Variants in STK17A observed in about 807,000 individuals in gnomAD.
STK17A encodes the protein serine/threonine-protein kinase 17A.
In STK17A, 26 loss-of-function variants were observed where a neutral mutation model predicts 43.7. The observed-to-expected ratio is 0.60, with a 90% CI of 0.44 to 0.83. The LOEUF (loss-of-function observed/expected upper bound fraction) is 0.83, where lower values mean the gene tolerates loss of function less well. STK17A is among the 40% of genes least tolerant of loss of function. The probability of loss-of-function intolerance (pLI) is 0.00; values close to 1 mark genes in which losing one functional copy is unlikely to be tolerated. For synonymous variants in STK17A, 191 were observed against 182.5 expected (o/e 1.05, Z -0.38); for missense variants, 476 against 511.6 (o/e 0.93, Z 0.67).
intron 2 of STK17A, among the ~76,000 whole-genome samples, chr7:43,598,298 G>A (rs1005773114): frequency 2.6e-5 from 4 of 151,864 alleles, no homozygotes; most frequent in Non-Finnish European, 4.4e-5. Flanking sequence ...GTGAAACCTC[G>A]TCTCTACTAA....
Position 43,624,900 on chromosome 7 carries a change from T to C in STK17A, c.*58T>C. 1 of 1,432,246 alleles carries C rather than the reference T, an allele frequency of 7.0e-7. No homozygotes were observed. Among genetic ancestry groups the C allele is most frequent in the South Asian group, 1.4e-5 (1 of 71,790 alleles). The allele number at this position is 1,432,246 out of a possible 1,614,324, so 88.7% of individuals were successfully genotyped here. On this transcript the variant is annotated 3_prime_UTR_variant, in exon 7 of 7. Coordinates refer to ENST00000319357, the MANE Select transcript of STK17A (RefSeq NM_004760.3). Reference sequence around the variant, plus strand: ...ACATTGAAAATGTTAATATTATTTATGGACCTCTGGCCAAATGGTACATGT... The same window carrying C: ...ACATTGAAAATGTTAATATTATTTACGGACCTCTGGCCAAATGGTACATGT...
chr7:43,585,906 GTAA>G (rs1453573892), intron 1 of STK17A, among the ~76,000 whole-genome samples: 1 of 151,614 alleles, frequency 6.6e-6, no homozygotes, highest in African/African-American at 2.4e-5. Context: ...TCTGGCAAAA[GTAA>G]TGAAGTCACA....
chr7:43,583,171 C>T lies in STK17A; in HGVS notation c.-73C>T. Reference sequence around the variant, plus strand: ...AGGCTCCGCGGACCGGCACTAGGAGCCGGGGGCGGGTCCGTGACCCTCCGG... The same window carrying T: ...AGGCTCCGCGGACCGGCACTAGGAGTCGGGGGCGGGTCCGTGACCCTCCGG... On this transcript the variant is annotated 5_prime_UTR_variant, in exon 1 of 7. Coordinates refer to ENST00000319357, the MANE Select transcript of STK17A (RefSeq NM_004760.3). 1 of 1,493,104 alleles carries T rather than the reference C, an allele frequency of 6.7e-7. No homozygotes were observed. The highest frequency in any genetic ancestry group is 9.0e-7 in the Non-Finnish European group (1 of 1,110,712). The allele number at this position is 1,493,104 out of a possible 1,614,324, so 92.5% of individuals were successfully genotyped here.
chr7:43,605,672 G>A lies in STK17A; in HGVS notation c.420-2584G>A, dbSNP rs73693042. ...GCTGCTGCATTCCACTTCTGCTTGG[G>A]TTCCTCCCCTACCCTATACCCCTGT... is the stretch of plus-strand genomic sequence containing the variant. On this transcript the variant is annotated intron_variant, in intron 2 of 6. Coordinates refer to ENST00000319357, the MANE Select transcript of STK17A (RefSeq NM_004760.3). Among the ~76,000 whole-genome samples, 320 of 151,680 alleles carry A rather than the reference G, an allele frequency of 2.1e-3. 1 individual carries two copies. The highest frequency in any genetic ancestry group is 7.4e-3 in the African/African-American group (304 of 41,276).
At chr7:43,597,823 C>T (rs1429951265) in intron 2 of STK17A, among the ~76,000 whole-genome samples, 1 of 152,022 alleles carries the variant, frequency 6.6e-6, no homozygotes, top group Non-Finnish European at 1.5e-5. Context: ...ATCCCAGCTA[C>T]TTGGGAGGCT....
intron 3 of STK17A, among the ~76,000 whole-genome samples, chr7:43,616,538 G>A (rs569605519): frequency 2.0e-5 from 3 of 152,186 alleles, no homozygotes; most frequent in South Asian, 2.1e-4. Context: ...ATAAACCTAC[G>A]GGCATTTTCA....
intron 1 of STK17A, among the ~76,000 whole-genome samples, chr7:43,585,682 C>T (rs1317298337): frequency 6.6e-6 from 1 of 151,470 alleles, no homozygotes; most frequent in East Asian, 1.9e-4. Context: ...TGAATCTTGG[C>T]TCTTACTAGT....
At chr7:43,589,487 C>T (rs2082464943) in intron 1 of STK17A, among the ~76,000 whole-genome samples, 1 of 151,380 alleles carries the variant, frequency 6.6e-6, no homozygotes, top group Non-Finnish European at 1.5e-5. Context: ...TTCACCTTTG[C>T]TTATAATCCA....
At position 43,626,327 on chromosome 7, in the gene STK17A, CAT is replaced by C. The variant is rs1323513012; in HGVS notation, c.*1489_*1490del. On this transcript the variant is annotated 3_prime_UTR_variant, in exon 7 of 7. Coordinates refer to ENST00000319357, the MANE Select transcript of STK17A (RefSeq NM_004760.3). ...CCCAAATGTGTGTAAATGTCATAGA[CAT>C]ATACAAAGTCAGTAATCTCACCCAG... 2 of 152,182 alleles carry C rather than the reference CAT, an allele frequency of 1.3e-5. No individual in the cohort carries two copies. The highest frequency in any genetic ancestry group is 4.8e-5 in the African/African-American group (2 of 41,444). The allele number at this position is 152,182 out of a possible 1,614,324, so 9.4% of individuals were successfully genotyped here.
chr7:43,619,556 C>G, intron 3 of STK17A, 41 bp from the exon 4 acceptor site: 1 of 1,599,102 alleles, frequency 6.3e-7, no homozygotes, highest in African/African-American at 1.3e-5. Flanking sequence ...TGTACTTAAT[C>G]ATAGTTATAT....
intron 2 of STK17A, among the ~76,000 whole-genome samples, chr7:43,602,287 C>G (rs1484562544): frequency 1.3e-5 from 2 of 152,118 alleles, no homozygotes; most frequent in Admixed American, 6.6e-5. Context: ...GCTAAAATTC[C>G]TTCCTCAGCT....
chr7:43,595,783 G>A, intron 1 of STK17A, 118 bp from the exon 2 acceptor site: 1 of 831,338 alleles, frequency 1.2e-6, no homozygotes. Context: ...TTCTACTTTT[G>A]TGATTGTATA....
rs371820498 is a variant in STK17A, at chr7:43,611,880, A to G, written c.564+3480A>G. ...CCTATAGGAAATGAGCTTTCAGCTTATGACAGTTGAACCTGTGACTATTCA... is the reference window on the plus strand; with the variant it reads ...CCTATAGGAAATGAGCTTTCAGCTTGTGACAGTTGAACCTGTGACTATTCA... On this transcript the variant is annotated intron_variant, in intron 3 of 6. Transcript: ENST00000319357. Among the ~76,000 whole-genome samples the G allele has an allele frequency of 3.3e-5, 5 of 152,362 alleles. No homozygotes were observed. In the South Asian group the frequency reaches 1.0e-3, roughly 32 times the overall value.
At chr7:43,587,226 C>G (rs2082449681) in intron 1 of STK17A, among the ~76,000 whole-genome samples, 1 of 142,394 alleles carries the variant, frequency 7.0e-6, no homozygotes, top group South Asian at 2.2e-4. Context: ...GCGATCTCAG[C>G]TCACCGCAAG....
intron 3 of STK17A, among the ~76,000 whole-genome samples, chr7:43,616,777 G>A (rs2083389961): frequency 6.6e-6 from 1 of 152,064 alleles, no homozygotes; most frequent in East Asian, 1.9e-4. Flanking sequence ...GGCTCCTGTA[G>A]TCCCAGCTAC....
chr7:43,603,254 GC>G (rs1171434804), intron 2 of STK17A, among the ~76,000 whole-genome samples: 1 of 151,960 alleles, frequency 6.6e-6, no homozygotes, highest in East Asian at 1.9e-4. Flanking sequence ...GTATGAATTG[GC>G]CAAAAATTTT....
At chr7:43,614,800 G>T (rs545117593) in intron 3 of STK17A, among the ~76,000 whole-genome samples, 1 of 152,270 alleles carries the variant, frequency 6.6e-6, no homozygotes, top group East Asian at 1.9e-4. Context: ...CATACAATAA[G>T]ATTTTAATAA....
At chr7:43,618,793 A>C (rs2083581014) in intron 3 of STK17A, among the ~76,000 whole-genome samples, 1 of 152,156 alleles carries the variant, frequency 6.6e-6, no homozygotes, top group Non-Finnish European at 1.5e-5. Context: ...ATTACTGTAC[A>C]TGTCCTCACC....
intron 1 of STK17A, among the ~76,000 whole-genome samples, chr7:43,584,355 A>G (rs1411290904): frequency 6.6e-6 from 1 of 152,208 alleles, no homozygotes; most frequent in Non-Finnish European, 1.5e-5. Flanking sequence ...TGGAGGGGTT[A>G]GACTCTCCAG....
Sources: allele counts gnomAD v4.1 joint callset (sites outside exome capture counted in the v4.1 genomes callset), GRCh38; gene constraint gnomAD v4.1.1; transcripts MANE v1.5; gene names NCBI Gene and HGNC (gene_info 2026-07-23, HGNC 2026-07-21).